The following FNDC3B variants were observed in gnomAD, a reference collection of about 807,000 sequenced individuals.
FNDC3B encodes the protein fibronectin type III domain-containing protein 3B.
A neutral mutation model predicts 151.5 loss-of-function variants in FNDC3B; 12 were observed. The observed-to-expected ratio is 0.08, with a 90% CI of 0.05 to 0.13. The LOEUF (loss-of-function observed/expected upper bound fraction) is 0.13. FNDC3B is among the 10% of genes least tolerant of loss of function. The pLI, the probability that FNDC3B is intolerant of heterozygous loss-of-function variation, is 1.00. For synonymous variants in FNDC3B, 528 were observed against 549.0 expected (o/e 0.96, Z 0.54); for missense variants, 1,214 against 1,505.3 (o/e 0.81, Z 3.20).
chr3:172,058,418 C>A (rs988111740), intron 1 of FNDC3B, among the ~76,000 whole-genome samples: 3 of 150,590 alleles, frequency 2.0e-5, no homozygotes, highest in Non-Finnish European at 3.0e-5. Context: ...GTTTCTGCTA[C>A]TGTTATGTCC....
At chr3:172,109,919 C>G (rs1719876644) in intron 1 of FNDC3B, among the ~76,000 whole-genome samples, 2 of 152,234 alleles carry the variant, frequency 1.3e-5, no homozygotes, top group African/African-American at 4.8e-5. Context: ...TTTTGCACAT[C>G]TGTGTCAGTC....
At chr3:172,131,755 A>G (rs1373294395) in intron 2 of FNDC3B, among the ~76,000 whole-genome samples, 1 of 152,236 alleles carries the variant, frequency 6.6e-6, no homozygotes, top group African/African-American at 2.4e-5. Context: ...TAAAGATGAA[A>G]TGGTTTTGAT....
At chr3:172,082,771 C>T (rs1718348195) in intron 1 of FNDC3B, among the ~76,000 whole-genome samples, 2 of 152,168 alleles carry the variant, frequency 1.3e-5, no homozygotes, top group Admixed American at 1.3e-4. Flanking sequence ...AAAACTTACT[C>T]TTCTTTTCTC....
intron 15 of FNDC3B, among the ~76,000 whole-genome samples, chr3:172,336,372 A>G (rs990623938): frequency 6.6e-6 from 1 of 152,148 alleles, no homozygotes; most frequent in Admixed American, 6.5e-5. Flanking sequence ...TAGACTATAT[A>G]CCCAAGGTGC....
intron 11 of FNDC3B, among the ~76,000 whole-genome samples, chr3:172,311,982 C>T (rs904470202): frequency 2.0e-5 from 3 of 151,778 alleles, no homozygotes; most frequent in Non-Finnish European, 2.9e-5. Flanking sequence ...GAGAAATTGG[C>T]TAAGGATTTT....
chr3:172,205,134 C>T (rs1383388275), intron 3 of FNDC3B, among the ~76,000 whole-genome samples: 1 of 152,122 alleles, frequency 6.6e-6, no homozygotes, highest in Non-Finnish European at 1.5e-5. Flanking sequence ...ATTTTTTTGG[C>T]ATATATAACC....
chr3:172,284,937 G>A (rs1024162068), intron 6 of FNDC3B, among the ~76,000 whole-genome samples: 2 of 151,514 alleles, frequency 1.3e-5, no homozygotes, highest in Admixed American at 6.6e-5. Flanking sequence ...ATTCCATCAA[G>A]CCCACTGTGA....
Position 172,144,967 on chromosome 3 carries a change from C to T in FNDC3B, c.187+11421C>T, listed in dbSNP as rs74392103. Among the ~76,000 whole-genome samples, 953 of 151,082 alleles carry T rather than the reference C, an allele frequency of 6.3e-3. 9 individuals are homozygous for T. The highest frequency in any genetic ancestry group is 0.022 in the African/African-American group (902 of 41,242). On this transcript the variant is annotated intron_variant, in intron 3 of 25. Transcript: ENST00000415807. ...AGTTCTTTGAATTAGCTTCACATTT[C>T]TTGTGTGGTTGGATAGACCCTCCTC...
intron 22 of FNDC3B, among the ~76,000 whole-genome samples, chr3:172,359,023 G>A (rs1298314930): frequency 4.7e-5 from 7 of 149,554 alleles, no homozygotes; most frequent in African/African-American, 1.7e-4. Flanking sequence ...GGTGGTGATG[G>A]TGGCGGTGGT....
At chr3:172,294,533 T>C (rs974399917) in intron 7 of FNDC3B, among the ~76,000 whole-genome samples, 13 of 152,090 alleles carry the variant, frequency 8.5e-5, no homozygotes, top group Admixed American at 5.2e-4. Context: ...ACCACAATGA[T>C]CCAGTCACCT....
chr3:172,393,558 A>G (rs1736127003), intron 25 of FNDC3B, among the ~76,000 whole-genome samples: 1 of 152,234 alleles, frequency 6.6e-6, no homozygotes, highest in Non-Finnish European at 1.5e-5. Flanking sequence ...TCAAGCATAC[A>G]TGGAACATTC....
intron 3 of FNDC3B, among the ~76,000 whole-genome samples, chr3:172,212,385 T>C (rs1725774369): frequency 1.3e-5 from 2 of 152,240 alleles, no homozygotes; most frequent in Admixed American, 1.3e-4. Context: ...ATTTATTTTT[T>C]ACCGCGTTCT....
At chr3:172,158,996 C>T (rs1722639176) in intron 3 of FNDC3B, among the ~76,000 whole-genome samples, 1 of 152,166 alleles carries the variant, frequency 6.6e-6, no homozygotes. Context: ...TAAAAATCAT[C>T]TGGGGCCGGG....
Position 172,397,765 on chromosome 3 carries a change from A to C in FNDC3B, c.*290A>C. 1 of 197,762 alleles carries C rather than the reference A, an allele frequency of 5.1e-6. No individual in the cohort carries two copies. The highest frequency in any genetic ancestry group is 1.0e-5 in the Non-Finnish European group (1 of 100,148). The allele number at this position is 197,762 out of a possible 1,614,324, so 12.3% of individuals were successfully genotyped here. A position where few individuals can be genotyped will look rare whatever the true frequency, so the allele number is the denominator to read the frequency against. ...CCTTTAAATTTTCAGATTTACCTTC[A>C]TTCTGTTTTCACTGATGTCTTTTGC... On this transcript the variant is annotated 3_prime_UTR_variant, in exon 26 of 26. Transcript: ENST00000415807.
chr3:172,083,696 A>G (rs930298714), intron 1 of FNDC3B, among the ~76,000 whole-genome samples: 1 of 152,208 alleles, frequency 6.6e-6, no homozygotes, highest in African/African-American at 2.4e-5. Context: ...GGATAATTAG[A>G]GTGAAGATGG....
chr3:172,104,950 A>G (rs918910501), intron 1 of FNDC3B, among the ~76,000 whole-genome samples: 2 of 152,226 alleles, frequency 1.3e-5, no homozygotes, highest in Non-Finnish European at 2.9e-5. Flanking sequence ...GTCTTGAAAC[A>G]TCAGTCAACC....
At chr3:172,194,084 G>C (rs1037274744) in intron 3 of FNDC3B, among the ~76,000 whole-genome samples, 1 of 152,106 alleles carries the variant, frequency 6.6e-6, no homozygotes, top group Admixed American at 6.5e-5. Context: ...GCTGGGCGAG[G>C]TGGCGGGCGC....
At chr3:172,233,312 A>T (rs767478664) in intron 4 of FNDC3B, among the ~76,000 whole-genome samples, 4 of 152,250 alleles carry the variant, frequency 2.6e-5, no homozygotes, top group African/African-American at 4.8e-5. Flanking sequence ...AAAAGTTAGT[A>T]GTCAAAATAA....
Position 172,397,724 on chromosome 3 carries a change from A to G in FNDC3B, c.*249A>G, listed in dbSNP as rs1353824617. On this transcript the variant is annotated 3_prime_UTR_variant, in exon 26 of 26. Transcript: ENST00000415807. ...AAAAGTATACCAGATACCAAAAGCT[A>G]GCTTTCTTATGTTTTCCTTTAAATT... 1 of 268,578 alleles carries G rather than the reference A, an allele frequency of 3.7e-6. No homozygotes were observed. Among genetic ancestry groups the G allele is most frequent in the Non-Finnish European group, 6.8e-6 (1 of 146,252 alleles). 16.6% of individuals were successfully genotyped at this position (268,578 alleles called of 1,614,324 possible). A position where few individuals can be genotyped will look rare whatever the true frequency, so the allele number is the denominator to read the frequency against.
Sources: gnomAD v4.1 joint callset for allele counts (sites outside exome capture counted in the v4.1 genomes callset) on GRCh38, gnomAD v4.1.1 for gene constraint, MANE v1.5 for transcripts, NCBI Gene and HGNC (gene_info 2026-07-23, HGNC 2026-07-21) for gene names.